Variants in ROR2 observed in about 807,000 individuals in gnomAD.
ROR2 encodes the protein tyrosine-protein kinase transmembrane receptor ROR2.
In ROR2, 33 loss-of-function variants were observed where a neutral mutation model predicts 74.9. That is an observed-to-expected ratio of 0.44 (90% CI 0.33 to 0.59). The LOEUF is 0.59. Among genes scored for constraint, ROR2 ranks in the 20% least tolerant of loss-of-function variants. ROR2 has a pLI of 0.02. For synonymous variants in ROR2, 586 were observed against 558.7 expected (o/e 1.05, Z -0.69); for missense variants, 1,216 against 1,313.8 (o/e 0.93, Z 1.15).
rs142046268 is a variant in ROR2 at position 91,730,953 on chromosome 9, C to T, written c.1140G>A (p.Gln380=). 64 of 1,614,086 alleles carry T rather than the reference C, an allele frequency of 4.0e-5. 1 individual carries two copies. The highest frequency in any genetic ancestry group is 1.4e-4 in the South Asian group (13 of 91,086). Residue 380 remains glutamine (Q), a synonymous_variant, in exon 7 of 9, where the codon CAG becomes CAA. Transcript: ENST00000375708. ...ACAGTTCCATGCGTACGTTTTTATT[C>T]TGCGTAAAGCACCAGGGGCCCTCCA... ...GQMEGPWCFT[Q]NKNVRMELCD...
Position 91,782,399 on chromosome 9 carries a change from GA to G in ROR2, c.98-6582del, listed in dbSNP as rs374903666. On this transcript the variant is annotated intron_variant, in intron 1 of 8. Coordinates refer to ENST00000375708, the MANE Select transcript of ROR2 (RefSeq NM_004560.4). ...TAATTAAAGGGAGGGATGTAAAAAA[GA>G]AAAAAAAAACACCCTGATTAGAAAA... is the stretch of plus-strand genomic sequence containing the variant. 1.4e-4 allele frequency among the ~76,000 whole-genome samples: 20 copies of G among 144,772 alleles called. No homozygotes were observed. The East Asian group carries it at 1.4e-3, about 10-fold the overall frequency. The allele number at this position is 144,772 out of a possible 152,430, so 95.0% of individuals were successfully genotyped here. A position where few individuals can be genotyped will look rare whatever the true frequency, so the allele number is the denominator to read the frequency against.
intron 1 of ROR2, among the ~76,000 whole-genome samples, chr9:91,809,728 C>T (rs978596390): frequency 1.3e-5 from 2 of 152,248 alleles, no homozygotes; most frequent in East Asian, 1.9e-4. Flanking sequence ...AGTGGGCAGG[C>T]GCCGTGGGCG....
At chr9:91,743,608 A>T (rs1320740551) in intron 4 of ROR2, among the ~76,000 whole-genome samples, 3 of 152,068 alleles carry the variant, frequency 2.0e-5, no homozygotes, top group Non-Finnish European at 4.4e-5. Flanking sequence ...TACGATAAGG[A>T]CATCACAAGA....
intron 1 of ROR2, among the ~76,000 whole-genome samples, chr9:91,791,420 C>T (rs1826973009): frequency 6.6e-6 from 1 of 152,038 alleles, no homozygotes; most frequent in Non-Finnish European, 1.5e-5. Flanking sequence ...GACAAAATAG[C>T]CTGGTGACAT....
chr9:91,750,638 A>G (rs1825569778), intron 4 of ROR2, among the ~76,000 whole-genome samples: 1 of 152,208 alleles, frequency 6.6e-6, no homozygotes, highest in Admixed American at 6.5e-5. Context: ...TGCTCACAGT[A>G]TGAGGACTAG....
intron 1 of ROR2, among the ~76,000 whole-genome samples, chr9:91,924,766 G>T (rs1378360698): frequency 1.3e-5 from 2 of 151,068 alleles, no homozygotes; most frequent in African/African-American, 4.9e-5. Flanking sequence ...CTGGGCGACA[G>T]AGCGAGACTC....
chr9:91,811,134 G>A (rs1005613714), intron 1 of ROR2, among the ~76,000 whole-genome samples: 1 of 152,230 alleles, frequency 6.6e-6, no homozygotes, highest in Non-Finnish European at 1.5e-5. Context: ...ATGCCCATAC[G>A]AATCTTTCCT....
At chr9:91,874,158 G>A (rs1347525363) in intron 1 of ROR2, among the ~76,000 whole-genome samples, 1 of 152,118 alleles carries the variant, frequency 6.6e-6, no homozygotes, top group African/African-American at 2.4e-5. Context: ...CCCCACTTAG[G>A]GGAAGAGAAA....
intron 1 of ROR2, among the ~76,000 whole-genome samples, chr9:91,945,029 G>A (rs1587866762): frequency 1.3e-5 from 2 of 151,626 alleles, no homozygotes; most frequent in South Asian, 2.1e-4. Context: ...GTAGTGAGCC[G>A]TGTTTGCACC....
chr9:91,746,477 T>G (rs1049860414), intron 4 of ROR2, among the ~76,000 whole-genome samples: 7 of 152,322 alleles, frequency 4.6e-5, no homozygotes, highest in Admixed American at 4.6e-4. Context: ...AACTCTGAAC[T>G]AGACTTATGA....
At chr9:91,919,884 AC>A (rs1831222702) in intron 1 of ROR2, among the ~76,000 whole-genome samples, 1 of 152,188 alleles carries the variant, frequency 6.6e-6, no homozygotes, top group Non-Finnish European at 1.5e-5. Context: ...AGTAGAACCA[AC>A]AACCGGTACC....
At chr9:91,789,369 T>C (rs1017703784) in intron 1 of ROR2, among the ~76,000 whole-genome samples, 3 of 151,838 alleles carry the variant, frequency 2.0e-5, no homozygotes, top group South Asian at 2.1e-4. Flanking sequence ...CATGAAGAGA[T>C]AAATAAAAGA....
chr9:91,899,115 C>T (rs894041852), intron 1 of ROR2, among the ~76,000 whole-genome samples: 15 of 152,230 alleles, frequency 9.9e-5, no homozygotes, highest in East Asian at 1.9e-4. Context: ...CTTCCTGTTC[C>T]GCTGACTCCG....
rs558911007 is a variant in ROR2, at chr9:91,933,993, T to C, written c.97+15874A>G. On this transcript the variant is annotated intron_variant, in intron 1 of 8. Transcript: ENST00000375708. Reference sequence around the variant, plus strand: ...CACTTTAACATGATTCATTTTATGTTATGCGAATTTTACCAGAATTTTTAA... The same window carrying C: ...CACTTTAACATGATTCATTTTATGTCATGCGAATTTTACCAGAATTTTTAA... Among the ~76,000 whole-genome samples the C allele has an allele frequency of 2.6e-5, 4 of 152,330 alleles. No homozygotes were observed. The East Asian group carries it at 5.8e-4, about 22-fold the overall frequency.
At chr9:91,909,979 A>T (rs2119441983) in intron 1 of ROR2, among the ~76,000 whole-genome samples, 1 of 149,766 alleles carries the variant, frequency 6.7e-6, no homozygotes, top group Admixed American at 6.7e-5. Context: ...CTCCTGCCTC[A>T]GCCTCCCAAG....
chr9:91,845,767 A>G (rs1336829288), intron 1 of ROR2, among the ~76,000 whole-genome samples: 4 of 150,434 alleles, frequency 2.7e-5, no homozygotes, highest in African/African-American at 9.8e-5. Flanking sequence ...CTATCATCCC[A>G]GCTACTCAGC....
At chr9:91,903,136 T>C (rs1319262624) in intron 1 of ROR2, among the ~76,000 whole-genome samples, 2 of 147,036 alleles carry the variant, frequency 1.4e-5, no homozygotes, top group African/African-American at 2.5e-5. Flanking sequence ...AAAATACATA[T>C]ACTTAAACAA....
At chr9:91,844,434 G>T (rs947518518) in intron 1 of ROR2, among the ~76,000 whole-genome samples, 1 of 152,090 alleles carries the variant, frequency 6.6e-6, no homozygotes, top group Non-Finnish European at 1.5e-5. Flanking sequence ...CCTCCTTCGT[G>T]CCACTTGCTG....
At chr9:91,757,159 C>T (rs1415552609) in intron 3 of ROR2, 113 bp downstream of exon 3, 146 of 1,386,884 alleles carry the variant, frequency 1.1e-4, no homozygotes, top group Non-Finnish European at 1.5e-4. Flanking sequence ...TTTCATTGCT[C>T]TCCCCTCGTG....
Sources: allele counts gnomAD v4.1 joint callset (sites outside exome capture counted in the v4.1 genomes callset), GRCh38; gene constraint gnomAD v4.1.1; transcripts MANE v1.5; gene names NCBI Gene and HGNC (gene_info 2026-07-23, HGNC 2026-07-21).